RAB28: variants seen among roughly 807,000 people sequenced by gnomAD.
The protein encoded by RAB28 is RAB28, member RAS oncogene family.
Under a neutral mutation model 31.7 loss-of-function variants are expected in RAB28, and 24 were observed. The observed-to-expected ratio is 0.76, with a 90% confidence interval of 0.55 to 1.06. RAB28 has a LOEUF of 1.06. Ranked by LOEUF, RAB28 falls within the 50% of genes least tolerant of loss-of-function variation. RAB28 has a pLI of 0.00. For missense variants in RAB28, 254 were observed against 258.5 expected (o/e 0.98, Z 0.12); for synonymous variants, 100 against 90.4 (o/e 1.11, Z -0.60).
chr4:13,441,645 T>C (rs538940282), intron 4 of RAB28, among the ~76,000 whole-genome samples: 1 of 152,356 alleles, frequency 6.6e-6, no homozygotes, highest in East Asian at 1.9e-4. Flanking sequence ...AAAAGACTTA[T>C]TATCCATTGC....
At chr4:13,458,446 GA>G (rs1448249446) in intron 4 of RAB28, among the ~76,000 whole-genome samples, 1 of 151,824 alleles carries the variant, frequency 6.6e-6, no homozygotes, top group Non-Finnish European at 1.5e-5. Context: ...AAGACCTTTG[GA>G]AAAGATAATT....
At chr4:13,386,975 T>C (rs1053900041) in intron 4 of RAB28, among the ~76,000 whole-genome samples, 2 of 152,086 alleles carry the variant, frequency 1.3e-5, no homozygotes, top group African/African-American at 4.8e-5. Context: ...CCATTATCCT[T>C]AGCAAACTAA....
chr4:13,416,722 T>G (rs1577192193), intron 4 of RAB28, among the ~76,000 whole-genome samples: 1 of 152,208 alleles, frequency 6.6e-6, no homozygotes, highest in Non-Finnish European at 1.5e-5. Flanking sequence ...ATTATATAAG[T>G]ATATGATCTG....
intron 4 of RAB28, among the ~76,000 whole-genome samples, chr4:13,401,100 C>T (rs763024578): frequency 2.6e-5 from 4 of 152,180 alleles, no homozygotes; most frequent in Middle Eastern, 6.8e-3. Context: ...TATTCCAACA[C>T]CTTTGGTTTT....
intron 3 of RAB28, among the ~76,000 whole-genome samples, chr4:13,468,533 AC>A (rs1337834836): frequency 3.3e-5 from 5 of 151,998 alleles, no homozygotes; most frequent in East Asian, 1.9e-4. Flanking sequence ...CAAAAAAAAA[AC>A]ATATGCAACC....
chr4:13,394,227 T>A (rs1316197691), intron 4 of RAB28, among the ~76,000 whole-genome samples: 2 of 152,172 alleles, frequency 1.3e-5, no homozygotes. Context: ...CCCACCTTTT[T>A]GGCACAAGGG....
chr4:13,414,290 T>C (rs1457446650), intron 4 of RAB28, among the ~76,000 whole-genome samples: 4 of 152,220 alleles, frequency 2.6e-5, no homozygotes, highest in Non-Finnish European at 2.9e-5. Context: ...CAGAGCTACA[T>C]TGTTTAATTG....
At chr4:13,411,553 C>T (rs1213004133) in intron 4 of RAB28, among the ~76,000 whole-genome samples, 2 of 152,098 alleles carry the variant, frequency 1.3e-5, no homozygotes, top group Non-Finnish European at 2.9e-5. Flanking sequence ...GTTATTTTGG[C>T]TGAAGGCCAT....
At position 13,480,635 on chromosome 4, in the gene RAB28, T is replaced by C. The variant is rs1266757592; in HGVS notation, c.76-1109A>G. On this transcript the variant is annotated intron_variant, in intron 1 of 6. Coordinates refer to ENST00000330852, the MANE Select transcript of RAB28 (RefSeq NM_001017979.3). The stretch of plus-strand genomic sequence containing the variant: ...AATTCCTTTTACACAGAACCATATT[T>C]TTCACACAAATGGCAATTTGGACAC... Among the ~76,000 whole-genome samples, 3 of 151,884 alleles carry C rather than the reference T, an allele frequency of 2.0e-5. No individual in the cohort carries two copies. The East Asian group carries it at 5.8e-4, about 29-fold the overall frequency.
chr4:13,421,938 A>C (rs1713175248), intron 4 of RAB28, among the ~76,000 whole-genome samples: 1 of 152,204 alleles, frequency 6.6e-6, no homozygotes, highest in African/African-American at 2.4e-5. Context: ...GCACAGCAAA[A>C]GAAACTACCA....
At chr4:13,411,221 CA>C (rs1712424316) in intron 4 of RAB28, among the ~76,000 whole-genome samples, 1 of 152,008 alleles carries the variant, frequency 6.6e-6, no homozygotes, top group Non-Finnish European at 1.5e-5. Flanking sequence ...AACAAAAAAA[CA>C]GCCCAAACTA....
intron 4 of RAB28, among the ~76,000 whole-genome samples, chr4:13,455,988 C>T (rs1236944741): frequency 6.6e-6 from 1 of 152,232 alleles, no homozygotes; most frequent in Non-Finnish European, 1.5e-5. Flanking sequence ...TTATTAATCT[C>T]AACAACCAGA....
intron 4 of RAB28, among the ~76,000 whole-genome samples, chr4:13,421,401 A>T (rs1042816438): frequency 5.3e-5 from 8 of 152,140 alleles, no homozygotes; most frequent in African/African-American, 1.7e-4. Flanking sequence ...ACTGGAAAAA[A>T]CTACTTTAAA....
chr4:13,460,639 A>T, intron 4 of RAB28, 60 bp downstream of exon 4: 3 of 1,593,104 alleles, frequency 1.9e-6, no homozygotes, highest in Non-Finnish European at 1.7e-6. Context: ...GGGGACACAA[A>T]CATTCTGTCC....
chr4:13,369,741 G>A (rs1008271819), intron 6 of RAB28: 17 of 882,768 alleles, frequency 1.9e-5, no homozygotes, highest in Non-Finnish European at 2.3e-5. Flanking sequence ...AGACGTAGAC[G>A]TGATATTAAC....
Position 13,427,888 on chromosome 4 carries a change from A to G in RAB28, c.391+32811T>C, listed in dbSNP as rs111854942. On this transcript the variant is annotated intron_variant, in intron 4 of 6. Coordinates refer to ENST00000330852, the MANE Select transcript of RAB28 (RefSeq NM_001017979.3). ...AAACCCCACAGACACCGAGTTAAAG[A>G]ACGAAGTGCTTTATTCGGCTGGGAG... Among the ~76,000 whole-genome samples the G allele has an allele frequency of 9.9e-3, 1,515 of 152,296 alleles. 12 individuals carry two copies. Among genetic ancestry groups the G allele is most frequent in the Middle Eastern group, 0.017 (5 of 294 alleles).
chr4:13,431,860 CAGA>C (rs1186566878), intron 4 of RAB28, among the ~76,000 whole-genome samples: 7 of 151,984 alleles, frequency 4.6e-5, no homozygotes, highest in Non-Finnish European at 7.4e-5. Context: ...AAGGAATCAG[CAGA>C]AGAATTCAAG....
intron 1 of RAB28, among the ~76,000 whole-genome samples, chr4:13,482,792 T>C (rs549053186): frequency 1.1e-4 from 17 of 152,246 alleles, no homozygotes; most frequent in Admixed American, 2.0e-4. Context: ...AACAAAAAAA[T>C]ACTTCAAATT....
At chr4:13,369,923 T>G (rs778809020) in intron 6 of RAB28, 1 of 1,612,684 alleles carries the variant, frequency 6.2e-7, no homozygotes, top group South Asian at 1.1e-5. Context: ...GTATGTTGAT[T>G]TTCTTCTTCC....
Sources: gnomAD v4.1 joint callset for allele counts (sites outside exome capture counted in the v4.1 genomes callset) on GRCh38, gnomAD v4.1.1 for gene constraint, MANE v1.5 for transcripts, NCBI Gene and HGNC (gene_info 2026-07-23, HGNC 2026-07-21) for gene names.